TMEM74: variants seen among roughly 807,000 people sequenced by gnomAD.
The protein encoded by TMEM74 is transmembrane protein 74.
TMEM74 carries 13 observed loss-of-function variants against 18.1 expected under a neutral mutation model. The observed-to-expected ratio is 0.72, with a 90% CI of 0.47 to 1.14. The LOEUF (loss-of-function observed/expected upper bound fraction) is 1.14. Among genes scored for constraint, TMEM74 ranks in the 50% most tolerant of loss-of-function variants. TMEM74 has a pLI of 0.00. For synonymous variants in TMEM74, 159 were observed against 146.6 expected (o/e 1.08, Z -0.61); for missense variants, 372 against 375.9 (o/e 0.99, Z 0.09).
chr8:108,752,284 C>T (rs1252461052), intron 1 of TMEM74, among the ~76,000 whole-genome samples: 1 of 152,002 alleles, frequency 6.6e-6, no homozygotes, highest in African/African-American at 2.4e-5. Flanking sequence ...TCTAAGATAA[C>T]AAAAGTTCTT....
At chr8:108,651,580 G>A (rs957587843) in intron 2 of TMEM74, among the ~76,000 whole-genome samples, 5 of 152,014 alleles carry the variant, frequency 3.3e-5, no homozygotes, top group African/African-American at 9.7e-5. Flanking sequence ...ATTAGAAAGA[G>A]GATGAGAGCA....
chr8:108,649,334 A>G (rs1812750330), intron 2 of TMEM74, among the ~76,000 whole-genome samples: 1 of 152,192 alleles, frequency 6.6e-6, no homozygotes, highest in African/African-American at 2.4e-5. Context: ...TTCAATAAGT[A>G]TTCAATAAAT....
intron 1 of TMEM74, among the ~76,000 whole-genome samples, chr8:108,715,500 TA>T (rs1563533556): frequency 6.6e-6 from 1 of 151,862 alleles, no homozygotes; most frequent in East Asian, 1.9e-4. Flanking sequence ...AATCATCATT[TA>T]AAAAAAACTG....
At chr8:108,617,965 A>G (rs1812402428) in intron 2 of TMEM74, among the ~76,000 whole-genome samples, 1 of 152,104 alleles carries the variant, frequency 6.6e-6, no homozygotes, top group African/African-American at 2.4e-5. Context: ...TAAGATTTAT[A>G]GTGCAGGTAA....
intron 1 of TMEM74, among the ~76,000 whole-genome samples, chr8:108,727,878 G>C (rs761959185): frequency 7.2e-5 from 11 of 152,192 alleles, no homozygotes; most frequent in Admixed American, 6.5e-5. Flanking sequence ...TAGGAAGTAA[G>C]TCAGGGGAAT....
intron 1 of TMEM74, among the ~76,000 whole-genome samples, chr8:108,712,649 G>GTTCAAAGTAA (rs145632198): frequency 0.013 from 1,905 of 152,200 alleles, 15 homozygotes; most frequent in Non-Finnish European, 0.021. Context: ...CAGGATTATG[G>GTTCAAAGTAA]TTCAAAGTAA....
chr8:108,670,697 A>G (rs1335427467), intron 1 of TMEM74, among the ~76,000 whole-genome samples: 1 of 152,216 alleles, frequency 6.6e-6, no homozygotes. Context: ...ACAGAAAAAC[A>G]TGAAAGATGG....
chr8:108,646,842 AC>A (rs147886364), intron 2 of TMEM74, among the ~76,000 whole-genome samples: 1,766 of 152,282 alleles, frequency 0.012, 43 homozygotes, highest in African/African-American at 0.041. Flanking sequence ...GGCCAGGGCA[AC>A]CACCCATATT....
intron 1 of TMEM74, among the ~76,000 whole-genome samples, chr8:108,758,759 T>A (rs982098902): frequency 3.9e-5 from 6 of 152,036 alleles, no homozygotes; most frequent in Non-Finnish European, 8.8e-5. Context: ...TAAAATATTT[T>A]AAAAAATGTA....
intron 2 of TMEM74, among the ~76,000 whole-genome samples, chr8:108,648,111 G>T (rs963765396): frequency 4.6e-5 from 7 of 151,990 alleles, no homozygotes; most frequent in Non-Finnish European, 8.8e-5. Flanking sequence ...GGTTCTTCCC[G>T]TTTTTTTGCA....
intron 1 of TMEM74, among the ~76,000 whole-genome samples, chr8:108,723,645 C>T (rs1813606925): frequency 1.3e-5 from 2 of 152,120 alleles, no homozygotes; most frequent in Non-Finnish European, 2.9e-5. Context: ...AACTTCAATG[C>T]TCTGAATAGC....
intron 2 of TMEM74, among the ~76,000 whole-genome samples, chr8:108,642,103 AAT>A (rs77002944): frequency 0.22 from 33,188 of 151,984 alleles, 3,644 homozygotes; most frequent in East Asian, 0.27. Context: ...GATTTAGGAA[AAT>A]ATATGTGTTC....
intron 2 of TMEM74, among the ~76,000 whole-genome samples, chr8:108,642,950 T>C (rs999068818): frequency 2.2e-4 from 34 of 152,150 alleles, no homozygotes; most frequent in African/African-American, 8.2e-4. Context: ...ATCTCTTAAC[T>C]CATTCATTTA....
intron 1 of TMEM74, among the ~76,000 whole-genome samples, chr8:108,705,398 G>A (rs530849796): frequency 0.011 from 1,676 of 152,300 alleles, 19 homozygotes; most frequent in Middle Eastern, 0.031. Flanking sequence ...AGAGAAAAAG[G>A]AGTTGTTAAT....
intron 1 of TMEM74, among the ~76,000 whole-genome samples, chr8:108,681,125 T>C (rs1220594776): frequency 2.6e-5 from 4 of 152,082 alleles, no homozygotes; most frequent in African/African-American, 4.8e-5. Context: ...CCATCCCCAT[T>C]AAGCTACCAA....
intron 1 of TMEM74, among the ~76,000 whole-genome samples, chr8:108,787,187 G>C (rs1028643981): frequency 6.6e-6 from 1 of 152,166 alleles, no homozygotes; most frequent in Non-Finnish European, 1.5e-5. Context: ...AACTGACACA[G>C]GCAAGGCTGA....
At chr8:108,717,677 AG>A (rs1813539154) in intron 1 of TMEM74, among the ~76,000 whole-genome samples, 1 of 152,148 alleles carries the variant, frequency 6.6e-6, no homozygotes, top group African/African-American at 2.4e-5. Flanking sequence ...AACAGGGACT[AG>A]AAGGGGCGAG....
At chr8:108,743,321 C>T (rs1319171010) in intron 1 of TMEM74, among the ~76,000 whole-genome samples, 1 of 152,140 alleles carries the variant, frequency 6.6e-6, no homozygotes, top group East Asian at 1.9e-4. Flanking sequence ...ATTTATTTAG[C>T]TCAACTCTCT....
intron 1 of TMEM74, among the ~76,000 whole-genome samples, chr8:108,670,708 A>G (rs1342679178): frequency 6.6e-6 from 1 of 152,192 alleles, no homozygotes; most frequent in African/African-American, 2.4e-5. Flanking sequence ...TGAAAGATGG[A>G]TGAATTTGGC....
Sources: gnomAD v4.1 joint callset for allele counts (sites outside exome capture counted in the v4.1 genomes callset) on GRCh38, gnomAD v4.1.1 for gene constraint, MANE v1.5 for transcripts, NCBI Gene and HGNC (gene_info 2026-07-23, HGNC 2026-07-21) for gene names.